The following KIF13A variants were observed in gnomAD, a reference collection of about 807,000 sequenced individuals.
The protein encoded by KIF13A is kinesin family member 13A.
Under a neutral mutation model 212.2 loss-of-function variants are expected in KIF13A, and 79 were observed. The ratio of observed to expected loss-of-function variants is 0.37; its 90% CI spans 0.31 to 0.45. The LOEUF is 0.45. Among genes scored for constraint, KIF13A ranks in the 20% least tolerant of loss-of-function variants. The probability of loss-of-function intolerance (pLI) is 1.00; values close to 1 mark genes in which losing one functional copy is unlikely to be tolerated. For missense variants in KIF13A, 1,901 were observed against 2,209.0 expected (o/e 0.86, Z 2.79); for synonymous variants, 789 against 808.6 (o/e 0.98, Z 0.41).
intron 17 of KIF13A, among the ~76,000 whole-genome samples, chr6:17,814,305 G>A (rs1353835836): frequency 5.0e-4 from 72 of 143,286 alleles, no homozygotes; most frequent in African/African-American, 1.8e-3. Context: ...CTAGAGTGCA[G>A]TGGCGTGATC....
rs1302342140 is a variant in KIF13A at position 17,772,438 on chromosome 6, A to C, written c.4325-379T>G. On this transcript the variant is annotated intron_variant, in intron 36 of 38. Coordinates refer to ENST00000259711, the MANE Select transcript of KIF13A (RefSeq NM_022113.6). The surrounding 1 kb of genome is among the most constrained non-coding windows in gnomAD (Gnocchi z 4.8). The stretch of plus-strand genomic sequence containing the variant: ...TAAAAACAAAACAAAAAAACCCCAC[A>C]AACAACAAACAACAAACAAAAAAAC... Among the ~76,000 whole-genome samples the C allele has an allele frequency of 6.6e-6, 1 of 152,154 alleles. No individual in the cohort carries two copies. Among genetic ancestry groups the C allele is most frequent in the Non-Finnish European group, 1.5e-5 (1 of 68,022 alleles).
intron 9 of KIF13A, among the ~76,000 whole-genome samples, chr6:17,845,285 A>G (rs991811671): frequency 4.6e-5 from 7 of 152,328 alleles, no homozygotes; most frequent in Admixed American, 2.6e-4. Context: ...ACAATTCAAG[A>G]TGAGATTTTG....
At chr6:17,765,310 T>G (rs1041984116) in intron 38 of KIF13A, among the ~76,000 whole-genome samples, 2 of 152,222 alleles carry the variant, frequency 1.3e-5, no homozygotes, top group Non-Finnish European at 2.9e-5. Flanking sequence ...GTTTTCTCTT[T>G]TCTCATTAAA....
In KIF13A at chr6:17,794,246, T is replaced by C. The variant is rs1241764250; in HGVS notation, c.3222+3A>G. On this transcript the variant is annotated splice_donor_region_variant and intron_variant, in intron 25 of 38. Transcript: ENST00000259711. The surrounding 1 kb of genome is among the most constrained non-coding windows in gnomAD (Gnocchi z 4.1). ...AATACTATTTTAAGTCTGCTTGTCT[T>C]ACCTGGTAACTGTCCAGCCCTCTTT... The C allele has an allele frequency of 3.1e-6, 5 of 1,607,688 alleles. No individual in the cohort carries two copies. The highest frequency in any genetic ancestry group is 2.2e-5 in the East Asian group (1 of 44,736).
chr6:17,932,792 G>A (rs1391238863), intron 2 of KIF13A, among the ~76,000 whole-genome samples: 1 of 126,038 alleles, frequency 7.9e-6, no homozygotes, highest in Non-Finnish European at 1.8e-5. Flanking sequence ...GGAAGTCTGT[G>A]AGAATGGAAA....
chr6:17,851,851 A>T, intron 7 of KIF13A, 104 bp downstream of exon 7: 1 of 502,530 alleles, frequency 2.0e-6, no homozygotes, highest in Non-Finnish European at 3.4e-6. Context: ...GGCCCTGAGT[A>T]GTATCATTCT....
At chr6:17,905,181 G>C (rs1773388903) in intron 2 of KIF13A, among the ~76,000 whole-genome samples, 1 of 152,170 alleles carries the variant, frequency 6.6e-6, no homozygotes, top group Non-Finnish European at 1.5e-5. Flanking sequence ...AGTGTATTTT[G>C]TGTGTGGCTC....
At chr6:17,774,329 T>C (rs1332253537) in intron 35 of KIF13A, among the ~76,000 whole-genome samples, 2 of 152,144 alleles carry the variant, frequency 1.3e-5, no homozygotes, top group Non-Finnish European at 2.9e-5. Context: ...CTTTTACCCA[T>C]TGAAATAATT....
intron 2 of KIF13A, among the ~76,000 whole-genome samples, chr6:17,975,293 C>T (rs1007066390): frequency 6.6e-6 from 1 of 152,032 alleles, no homozygotes; most frequent in African/African-American, 2.4e-5. Context: ...GTGAAGGTTG[C>T]AATGAGCTGA....
chr6:17,833,269 A>G (rs1353382929), intron 12 of KIF13A, among the ~76,000 whole-genome samples: 1 of 151,204 alleles, frequency 6.6e-6, no homozygotes, highest in Non-Finnish European at 1.5e-5. Context: ...CTGAGGCAGA[A>G]GAATCACTTG....
intron 12 of KIF13A, among the ~76,000 whole-genome samples, chr6:17,833,300 C>T (rs979203913): frequency 6.7e-6 from 1 of 148,536 alleles, no homozygotes; most frequent in African/African-American, 2.5e-5. Flanking sequence ...TTGAGACCAG[C>T]CCGGGCAACA....
intron 4 of KIF13A, among the ~76,000 whole-genome samples, chr6:17,858,079 TTATGTGTGTGTGTGTG>T (rs1768317341): frequency 8.9e-6 from 1 of 112,378 alleles, no homozygotes; most frequent in African/African-American, 3.6e-5. Flanking sequence ...TGTCAAATAG[TTATGTGTGTGTGTGTG>T]TGTGTGTGTG....
chr6:17,773,681 A>G lies in KIF13A; in HGVS notation c.4219-98T>C. 1 of 572,366 alleles carries G rather than the reference A, an allele frequency of 1.7e-6. No individual in the cohort carries two copies. The allele number at this position is 572,366 out of a possible 1,614,324, so 35.5% of individuals were successfully genotyped here. On this transcript the variant is annotated intron_variant, in intron 35 of 38. Coordinates refer to ENST00000259711, the MANE Select transcript of KIF13A (RefSeq NM_022113.6). The surrounding 1 kb of genome is among the most constrained non-coding windows in gnomAD (Gnocchi z 4.2). ...TCTTCTGTTTTTTTTTAATGGCAGC[A>G]TATGCTCTTCTTTATTTTTATTATG... is the stretch of plus-strand genomic sequence containing the variant.
At position 17,794,320 on chromosome 6, in the gene KIF13A, T is replaced by C. The variant is rs1296480722; in HGVS notation, c.3151A>G (p.Ile1051Val). 6.2e-7 allele frequency: 1 copy of C among 1,613,434 alleles called. No homozygotes were observed. The highest frequency in any genetic ancestry group is 8.5e-7 in the Non-Finnish European group (1 of 1,179,418). ...ACACAGCCGATGGATACTGACAGGA[T>C]GGCTTCAACCATAAGTGGCAGTGTC... ...SGTLPLMVEA[I>V]LSVSIGCVTA... Residue 1051 changes from isoleucine (I) to valine (V), a missense_variant, in exon 25 of 39, where the codon ATC becomes GTC. Transcript: ENST00000259711. The surrounding 1 kb of genome is among the most constrained non-coding windows in gnomAD (Gnocchi z 4.1).
intron 2 of KIF13A, among the ~76,000 whole-genome samples, chr6:17,983,433 C>T (rs1781266371): frequency 6.6e-6 from 1 of 151,084 alleles, no homozygotes; most frequent in Non-Finnish European, 1.5e-5. Context: ...TTGCTCCCTT[C>T]ACCCCACTCC....
At chr6:17,976,383 C>T (rs1444209051) in intron 2 of KIF13A, among the ~76,000 whole-genome samples, 3 of 152,208 alleles carry the variant, frequency 2.0e-5, no homozygotes, top group South Asian at 2.1e-4. Flanking sequence ...GCCGGTGGGC[C>T]GGCACTGCTG....
rs112087105 is a variant in KIF13A, at chr6:17,835,890, C to G, written c.1155+988G>C. On this transcript the variant is annotated intron_variant, in intron 11 of 38. Coordinates refer to ENST00000259711, the MANE Select transcript of KIF13A (RefSeq NM_022113.6). ...TGTGTTTTTCTTTCTTTCTTTTTTT[C>G]TTACAACTTAGTACTCTCCCAACTA... is the stretch of plus-strand genomic sequence containing the variant. Among the ~76,000 whole-genome samples the G allele has an allele frequency of 8.1e-3, 1,075 of 133,344 alleles. 10 individuals are homozygous for G. The highest frequency in any genetic ancestry group is 0.027 in the African/African-American group (1,012 of 37,192). 87.5% of individuals were successfully genotyped at this position (133,344 alleles called of 152,430 possible).
rs745444335 is a variant in KIF13A, at chr6:17,799,413, C to T, written c.2643G>A (p.Leu881=). 1.3e-6 allele frequency: 2 copies of T among 1,583,254 alleles called. No homozygotes were observed. The highest frequency in any genetic ancestry group is 1.7e-6 in the Non-Finnish European group (2 of 1,163,776). The change falls in exon 22 of 39, where the codon CTG becomes CTA. Residue 881 remains leucine, a synonymous_variant. Coordinates refer to ENST00000259711, the MANE Select transcript of KIF13A (RefSeq NM_022113.6). The surrounding 1 kb of genome is among the most constrained non-coding windows in gnomAD (Gnocchi z 4.4). The part of the protein sequence containing the change: ...CRVKIKEATG[L]PLNLSNFVFC... ...AGACAAAATTTGAGAGGTTTAAGGG[C>T]AGCCCCGTTGCTTCTTTAATTTTTA...
chr6:17,824,206 G>A (rs773928587), intron 16 of KIF13A, among the ~76,000 whole-genome samples: 1 of 151,988 alleles, frequency 6.6e-6, no homozygotes, highest in Non-Finnish European at 1.5e-5. Context: ...ACCACACCTG[G>A]CCCTACATTT....
Sources: allele counts gnomAD v4.1 joint callset (sites outside exome capture counted in the v4.1 genomes callset), GRCh38; gene constraint gnomAD v4.1.1; non-coding constraint Gnocchi (gnomAD v3.1); transcripts MANE v1.5; gene names NCBI Gene and HGNC (gene_info 2026-07-23, HGNC 2026-07-21).